Variants in PPM1H observed in about 807,000 individuals in gnomAD.
PPM1H encodes protein phosphatase, Mg2+/Mn2+ dependent 1H.
PPM1H carries 27 observed loss-of-function variants against 54.9 expected under a neutral mutation model. The observed-to-expected ratio is 0.49, with a 90% CI of 0.36 to 0.68. The LOEUF is 0.68. Among genes scored for constraint, PPM1H ranks in the 30% least tolerant of loss-of-function variants. The probability of loss-of-function intolerance (pLI) is 0.00; values close to 1 mark genes in which losing one functional copy is unlikely to be tolerated. For missense variants in PPM1H, 596 were observed against 667.8 expected (o/e 0.89, Z 1.19); for synonymous variants, 305 against 270.8 (o/e 1.13, Z -1.24).
chr12:62,683,033 TTTATTATTATTATTATTATTA>T (rs71086626), intron 8 of PPM1H, among the ~76,000 whole-genome samples: 2,176 of 133,660 alleles, frequency 0.016, 49 homozygotes, highest in African/African-American at 0.053. Context: ...GAGTTTATTA[TTTATTATTATTATTATTATTA>T]TTATTATTAT....
At chr12:62,662,228 T>C (rs2075888332) in intron 9 of PPM1H, among the ~76,000 whole-genome samples, 1 of 152,222 alleles carries the variant, frequency 6.6e-6, no homozygotes, top group South Asian at 2.1e-4. Flanking sequence ...GAGTGCCTTT[T>C]AATGCATAAC....
intron 4 of PPM1H, among the ~76,000 whole-genome samples, chr12:62,760,449 A>T (rs1256312766): frequency 6.6e-6 from 1 of 152,070 alleles, no homozygotes; most frequent in African/African-American, 2.4e-5. Context: ...AGGTTGAATC[A>T]GGCTCCAACT....
intron 1 of PPM1H, among the ~76,000 whole-genome samples, chr12:62,914,990 C>G (rs933540923): frequency 2.0e-5 from 3 of 152,184 alleles, no homozygotes; most frequent in African/African-American, 7.2e-5. Flanking sequence ...CTACTTTTCC[C>G]AAACATAAAC....
At chr12:62,843,718 C>G (rs1183394572) in intron 1 of PPM1H, among the ~76,000 whole-genome samples, 7 of 152,226 alleles carry the variant, frequency 4.6e-5, no homozygotes, top group Non-Finnish European at 2.9e-5. Context: ...CTACTTCAGT[C>G]TTTTTTAAAA....
intron 6 of PPM1H, among the ~76,000 whole-genome samples, chr12:62,695,892 G>T (rs557153537): frequency 6.6e-6 from 1 of 152,182 alleles, no homozygotes; most frequent in Non-Finnish European, 1.5e-5. Flanking sequence ...CCCATGTGGA[G>T]AGTGAGGAGA....
At chr12:62,696,615 G>A (rs2076116130) in intron 6 of PPM1H, among the ~76,000 whole-genome samples, 1 of 152,156 alleles carries the variant, frequency 6.6e-6, no homozygotes, top group Non-Finnish European at 1.5e-5. Flanking sequence ...GTTAAAACTG[G>A]CAACTTGATT....
Position 62,644,072 on chromosome 12 carries a change from C to T in PPM1H, c.*4417G>A, listed in dbSNP as rs374957820. The T allele has an allele frequency of 2.6e-5, 4 of 152,100 alleles. No individual in the cohort carries two copies. The highest frequency in any genetic ancestry group is 3.8e-4 in the East Asian group (2 of 5,198). 9.4% of individuals were successfully genotyped at this position (152,100 alleles called of 1,614,324 possible). A position where few individuals can be genotyped will look rare whatever the true frequency, so the allele number is the denominator to read the frequency against. On this transcript the variant is annotated 3_prime_UTR_variant, in exon 10 of 10. Coordinates refer to ENST00000228705, the MANE Select transcript of PPM1H (RefSeq NM_020700.2). ...CATTTCTTTAGCTTTTTCCAGGGGA[C>T]ATTGCACCTAAGTTTCAAAACACAC...
At chr12:62,755,309 A>G (rs2076465834) in intron 4 of PPM1H, 1 of 1,106,992 alleles carries the variant, frequency 9.0e-7, no homozygotes, top group Admixed American at 1.7e-5. Flanking sequence ...GGTAAAGTGG[A>G]TATTGTTGCC....
At chr12:62,871,763 T>C (rs575019891) in intron 1 of PPM1H, among the ~76,000 whole-genome samples, 1 of 152,140 alleles carries the variant, frequency 6.6e-6, no homozygotes, top group South Asian at 2.1e-4. Context: ...CAATCCGCCC[T>C]CCTTGGCCTC....
intron 1 of PPM1H, among the ~76,000 whole-genome samples, chr12:62,893,164 GTATGGGCCCCAAAGC>G (rs1486971632): frequency 6.6e-6 from 1 of 152,144 alleles, no homozygotes; most frequent in East Asian, 1.9e-4. Flanking sequence ...GACAGAGATC[GTATGGGCCCCAAAGC>G]TATGAGGCCT....
intron 1 of PPM1H, among the ~76,000 whole-genome samples, chr12:62,876,736 G>T (rs1231739153): frequency 6.6e-6 from 1 of 152,080 alleles, no homozygotes; most frequent in Non-Finnish European, 1.5e-5. Flanking sequence ...TTCCAATGGG[G>T]GCTGAGTGCC....
At chr12:62,746,934 G>A (rs1028570590) in intron 4 of PPM1H, among the ~76,000 whole-genome samples, 2 of 152,068 alleles carry the variant, frequency 1.3e-5, no homozygotes, top group Admixed American at 1.3e-4. Flanking sequence ...TCATGCAAAC[G>A]AGTAACAAAT....
intron 4 of PPM1H, among the ~76,000 whole-genome samples, chr12:62,766,660 T>C (rs963996860): frequency 3.3e-5 from 5 of 152,120 alleles, no homozygotes; most frequent in African/African-American, 9.7e-5. Context: ...GAGGAGGCTG[T>C]GTGATAGAAT....
chr12:62,797,109 G>A (rs1009741039), intron 3 of PPM1H, among the ~76,000 whole-genome samples: 2 of 152,100 alleles, frequency 1.3e-5, no homozygotes, highest in East Asian at 3.9e-4. Flanking sequence ...ACAAACAGAT[G>A]GAGACAGACA....
At chr12:62,772,629 G>A (rs1021252753) in intron 4 of PPM1H, among the ~76,000 whole-genome samples, 2 of 152,170 alleles carry the variant, frequency 1.3e-5, no homozygotes, top group Non-Finnish European at 2.9e-5. Flanking sequence ...ATAACAGGAG[G>A]AAGTGGTGCC....
chr12:62,671,313 A>C (rs1194013978), intron 8 of PPM1H, among the ~76,000 whole-genome samples: 1 of 152,106 alleles, frequency 6.6e-6, no homozygotes, highest in African/African-American at 2.4e-5. Context: ...AGACCTTCTA[A>C]TGGCTCCTTC....
intron 2 of PPM1H, among the ~76,000 whole-genome samples, chr12:62,803,893 G>T (rs558947839): frequency 6.6e-6 from 1 of 152,292 alleles, no homozygotes; most frequent in Non-Finnish European, 1.5e-5. Context: ...GAAAAAATGG[G>T]CAAAGGGCTT....
intron 5 of PPM1H, among the ~76,000 whole-genome samples, chr12:62,736,457 G>A (rs2120522165): frequency 6.6e-6 from 1 of 152,326 alleles, no homozygotes; most frequent in Admixed American, 6.5e-5. Context: ...GCAACAGTAG[G>A]TGAAAGATTG....
intron 9 of PPM1H, chr12:62,659,290 A>AAAAAAAG (rs878920391): frequency 3.3e-5 from 16 of 482,138 alleles, no homozygotes; most frequent in South Asian, 1.2e-4. Context: ...AAAAAAAAAA[A>AAAAAAAG]AGAGAAAAAC....
Sources: allele counts gnomAD v4.1 joint callset (sites outside exome capture counted in the v4.1 genomes callset), GRCh38; gene constraint gnomAD v4.1.1; transcripts MANE v1.5; gene names NCBI Gene and HGNC (gene_info 2026-07-23, HGNC 2026-07-21).